GABBR2: variants seen among roughly 807,000 people sequenced by gnomAD.
The protein encoded by GABBR2 is G-protein coupled receptor 51.
Under a neutral mutation model 105.6 loss-of-function variants are expected in GABBR2, and 23 were observed. That is an observed-to-expected ratio of 0.22 (90% CI 0.16 to 0.31). GABBR2 has a LOEUF of 0.31. GABBR2 is among the 10% of genes least tolerant of loss of function. GABBR2 has a pLI of 1.00. For synonymous variants in GABBR2, 478 were observed against 499.7 expected, an observed-to-expected ratio of 0.96 and a Z score of 0.58; for missense variants, 734 against 1,245.5, an observed-to-expected ratio of 0.59 and a Z score of 6.18.
chr9:98,506,147 G>A (rs1405983627), intron 3 of GABBR2, among the ~76,000 whole-genome samples: 1 of 152,176 alleles, frequency 6.6e-6, no homozygotes, highest in Non-Finnish European at 1.5e-5. Context: ...GCTGTGCATC[G>A]TGGAAATGTG....
intron 3 of GABBR2, among the ~76,000 whole-genome samples, chr9:98,520,651 A>C (rs1028775976): frequency 1.4e-4 from 22 of 152,384 alleles, no homozygotes; most frequent in Admixed American, 1.2e-3. Context: ...CTAGTGAAGC[A>C]CAAGGCTTTC....
intron 1 of GABBR2, among the ~76,000 whole-genome samples, chr9:98,613,511 A>T (rs541741516): frequency 1.3e-5 from 2 of 152,032 alleles, no homozygotes; most frequent in South Asian, 4.2e-4. Context: ...TTGTGACTTG[A>T]TGTGGCCAAA....
At chr9:98,459,321 C>G (rs1490412503) in intron 6 of GABBR2, among the ~76,000 whole-genome samples, 1 of 152,100 alleles carries the variant, frequency 6.6e-6, no homozygotes, top group Non-Finnish European at 1.5e-5. Flanking sequence ...AGCAGGACAG[C>G]TAGGACTGAG....
At chr9:98,332,705 C>T (rs1490115503) in intron 13 of GABBR2, among the ~76,000 whole-genome samples, 3 of 152,192 alleles carry the variant, frequency 2.0e-5, no homozygotes, top group African/African-American at 7.2e-5. Flanking sequence ...TTGGTATGAA[C>T]ATGCAATCTC....
At chr9:98,668,897 G>A (rs1270685753) in intron 1 of GABBR2, among the ~76,000 whole-genome samples, 1 of 150,536 alleles carries the variant, frequency 6.6e-6, no homozygotes, top group Non-Finnish European at 1.5e-5. Flanking sequence ...GTGTGTGTGT[G>A]TGTGTGTGTG....
chr9:98,323,065 C>T (rs576525427), intron 13 of GABBR2, among the ~76,000 whole-genome samples: 6 of 152,140 alleles, frequency 3.9e-5, no homozygotes, highest in South Asian at 2.1e-4. Flanking sequence ...GGACATTAAA[C>T]GAGGCTCCGT....
intron 1 of GABBR2, among the ~76,000 whole-genome samples, chr9:98,680,948 T>G (rs1830537473): frequency 6.6e-6 from 1 of 152,174 alleles, no homozygotes; most frequent in Admixed American, 6.5e-5. Flanking sequence ...GTTTACTTTA[T>G]AAAAAATAGA....
intron 8 of GABBR2, among the ~76,000 whole-genome samples, chr9:98,398,014 C>T (rs1228328415): frequency 6.6e-6 from 1 of 152,214 alleles, no homozygotes; most frequent in East Asian, 1.9e-4. Flanking sequence ...ACACAGCCCT[C>T]TCAGCTTTTA....
intron 3 of GABBR2, among the ~76,000 whole-genome samples, chr9:98,528,571 G>A (rs1828006320): frequency 6.6e-6 from 1 of 151,856 alleles, no homozygotes; most frequent in African/African-American, 2.4e-5. Context: ...ATGACAAAAG[G>A]CTGATCTGAT....
intron 6 of GABBR2, among the ~76,000 whole-genome samples, chr9:98,462,582 A>T (rs1352863858): frequency 1.3e-5 from 2 of 152,178 alleles, no homozygotes; most frequent in African/African-American, 4.8e-5. Context: ...GGGAAATGCA[A>T]ATTTAAACTA....
chr9:98,492,349 T>TTAAAAAAAAAAAAAAAAAAAAAAAAAAA (rs752135873), intron 4 of GABBR2, among the ~76,000 whole-genome samples: 1 of 29,218 alleles, frequency 3.4e-5, no homozygotes, highest in Non-Finnish European at 8.6e-5. Context: ...TGTTTCCTAG[T>TTAAAAAAAAAAAAAAAAAAAAAAAAAAA]AAAAAAAAAA....
chr9:98,641,939 CG>C (rs1461351869), intron 1 of GABBR2, among the ~76,000 whole-genome samples: 1 of 152,168 alleles, frequency 6.6e-6, no homozygotes, highest in Non-Finnish European at 1.5e-5. Context: ...GGGACCCCAA[CG>C]GCCTCACTCG....
Position 98,436,113 on chromosome 9 carries a change from A to C in GABBR2, c.1236+17868T>G, listed in dbSNP as rs1042371463. The stretch of plus-strand genomic sequence containing the variant: ...GTCTGTAGAATAAATGAATGAACAA[A>C]GGGAAACAGTCATGTCTCTGTGGTT... On this transcript the variant is annotated intron_variant, in intron 7 of 18. Coordinates refer to ENST00000259455, the MANE Select transcript of GABBR2 (RefSeq NM_005458.8). Among the ~76,000 whole-genome samples, 18 of 150,796 alleles carry C rather than the reference A, an allele frequency of 1.2e-4. 2 individuals are homozygous for C. The highest frequency in any genetic ancestry group is 2.1e-4 in the South Asian group (1 of 4,700).
intron 7 of GABBR2, among the ~76,000 whole-genome samples, chr9:98,434,962 G>A (rs765900293): frequency 6.6e-6 from 1 of 152,192 alleles, no homozygotes; most frequent in Non-Finnish European, 1.5e-5. Flanking sequence ...TTTTCTTAAT[G>A]TTGGTGTAAC....
Position 98,685,365 on chromosome 9 carries a change from C to T in GABBR2, c.321+23052G>A, listed in dbSNP as rs547459957. The stretch of plus-strand genomic sequence containing the variant: ...GCTTCCTTGCTCCTCAGCTTGCAGA[C>T]GGCCTATTGTGGGACTTCACCTTGT... On this transcript the variant is annotated intron_variant, in intron 1 of 18. Transcript: ENST00000259455. Among the ~76,000 whole-genome samples the T allele has an allele frequency of 1.2e-4, 19 of 152,352 alleles. No individual in the cohort carries two copies. In the East Asian group the frequency reaches 1.7e-3, roughly 14 times the overall value.
chr9:98,294,853 G>C (rs546356381), intron 17 of GABBR2, among the ~76,000 whole-genome samples: 17 of 152,128 alleles, frequency 1.1e-4, no homozygotes, highest in Non-Finnish European at 1.8e-4. Flanking sequence ...AGTTACAGAA[G>C]TTATAGGACC....
intron 13 of GABBR2, among the ~76,000 whole-genome samples, chr9:98,333,976 G>A (rs1831071828): frequency 6.6e-6 from 1 of 152,224 alleles, no homozygotes; most frequent in East Asian, 1.9e-4. Context: ...GACTGAATGA[G>A]TTGATAAAGC....
At chr9:98,319,396 T>C (rs981483354) in intron 13 of GABBR2, among the ~76,000 whole-genome samples, 1 of 151,964 alleles carries the variant, frequency 6.6e-6, no homozygotes, top group African/African-American at 2.4e-5. Context: ...AGCTAGAAGC[T>C]GTCATTTCAA....
chr9:98,539,317 C>T, intron 3 of GABBR2, among the ~76,000 whole-genome samples: 1 of 152,156 alleles, frequency 6.6e-6, no homozygotes, highest in East Asian at 1.9e-4. Context: ...CAATTTACCC[C>T]CTTTAGAACC....
Sources: gnomAD v4.1 joint callset for allele counts (sites outside exome capture counted in the v4.1 genomes callset) on GRCh38, gnomAD v4.1.1 for gene constraint, MANE v1.5 for transcripts, NCBI Gene and HGNC (gene_info 2026-07-23, HGNC 2026-07-21) for gene names.